PEX11G: variants seen among roughly 807,000 people sequenced by gnomAD.
PEX11G encodes the protein peroxisomal biogenesis factor 11 gamma, also known as peroxisomal membrane protein 11C.
A neutral mutation model predicts 22.5 loss-of-function variants in PEX11G; 20 were observed. That is an observed-to-expected ratio of 0.89 (90% CI 0.62 to 1.29). PEX11G has a LOEUF of 1.29. PEX11G is among the 50% of genes most tolerant of loss of function. The pLI, the probability that PEX11G is intolerant of heterozygous loss-of-function variation, is 0.00. For missense variants in PEX11G, 347 were observed against 331.3 expected, an observed-to-expected ratio of 1.05 and a Z score of -0.37; for synonymous variants, 141 against 154.5, an observed-to-expected ratio of 0.91 and a Z score of 0.65.
chr19:7,482,194 G>T lies in PEX11G; in HGVS notation c.267C>A (p.Val89=). The change falls in exon 3 of 5, where the codon GTC becomes GTA. Residue 89 remains valine, a synonymous_variant. Transcript: ENST00000221480. ...GLGAQEEDAF[V]RCVSVLGNLA... ...GGTTCCCTAGGACGGAGACACAGCG[G>T]ACAAAGGCGTCCTCCTCCTGCAGGA... 1 of 1,570,794 alleles carries T rather than the reference G, an allele frequency of 6.4e-7. No homozygotes were observed. The highest frequency in any genetic ancestry group is 8.6e-7 in the Non-Finnish European group (1 of 1,159,098).
At chr19:7,484,426 C>T (rs2021545341) in intron 2 of PEX11G, among the ~76,000 whole-genome samples, 1 of 151,942 alleles carries the variant, frequency 6.6e-6, no homozygotes, top group Non-Finnish European at 1.5e-5. Context: ...TTTATGTAAA[C>T]CATATGTATT....
In PEX11G at chr19:7,486,109, C is replaced by T. The variant is rs147709246; in HGVS notation, c.61-83G>A. On this transcript the variant is annotated intron_variant, in intron 1 of 4. Transcript: ENST00000221480. ...TCCCCCCATACCTGGCCCCGGGCCC[C>T]GCTGGATTGAGAGTGTGGAAGATTC... 1,357 of 1,233,374 alleles carry T rather than the reference C, an allele frequency of 1.1e-3. 12 individuals carry two copies. In the African/African-American group the frequency reaches 0.019, roughly 17 times the overall value. The allele number at this position is 1,233,374 out of a possible 1,614,324, so 76.4% of individuals were successfully genotyped here. A position where few individuals can be genotyped will look rare whatever the true frequency, so the allele number is the denominator to read the frequency against.
intron 1 of PEX11G, 65 bp downstream of exon 1, chr19:7,488,886 G>T: frequency 6.6e-7 from 1 of 1,513,348 alleles, no homozygotes; most frequent in Admixed American, 2.0e-5. Flanking sequence ...TCTCTGGCCC[G>T]TTTCCCAGTC....
chr19:7,489,641 G>A, upstream of PEX11G: 1 of 290,008 alleles, frequency 3.4e-6, no homozygotes, highest in Non-Finnish European at 5.1e-6. Flanking sequence ...CCCCGTAGGA[G>A]ACCAGCATAT....
chr19:7,478,189 A>T, intron 4 of PEX11G, 125 bp downstream of exon 4: 1 of 1,011,296 alleles, frequency 9.9e-7, no homozygotes, highest in South Asian at 1.5e-5. Context: ...AGAGGCTGTG[A>T]TGACTCCCCC....
At chr19:7,491,707 C>T (rs542537630), upstream of PEX11G, among the ~76,000 whole-genome samples, 11 of 152,244 alleles carry the variant, frequency 7.2e-5, no homozygotes, top group African/African-American at 2.2e-4. Flanking sequence ...GGCTGGAGTG[C>T]GGTGGTGTGA....
chr19:7,485,706 T>C (rs1425945374), intron 2 of PEX11G, 132 bp downstream of exon 2: 3 of 823,694 alleles, frequency 3.6e-6, no homozygotes, highest in South Asian at 2.1e-5. Context: ...CCTGACCTCA[T>C]GATCCGCCAG....
upstream of PEX11G, chr19:7,489,078 G>T (rs1028766958): frequency 3.5e-6 from 5 of 1,423,788 alleles, no homozygotes; most frequent in East Asian, 2.8e-5. Flanking sequence ...CCGGGGTACC[G>T]GGAGCGCCCC....
chr19:7,484,115 G>A (rs117829669), intron 2 of PEX11G, among the ~76,000 whole-genome samples: 2,686 of 152,260 alleles, frequency 0.018, 25 homozygotes, highest in Non-Finnish European at 0.028. Flanking sequence ...TAGCACTTTG[G>A]GAGGCGGGGC....
At chr19:7,479,235 G>A (rs192576440) in intron 3 of PEX11G, among the ~76,000 whole-genome samples, 1 of 152,288 alleles carries the variant, frequency 6.6e-6, no homozygotes, top group Admixed American at 6.5e-5. Context: ...TGTAATCCCG[G>A]GACTTTGGGA....
At chr19:7,486,108 C>T in intron 1 of PEX11G, 82 bp from the exon 2 acceptor site, 1 of 1,246,200 alleles carries the variant, frequency 8.0e-7, no homozygotes, top group Non-Finnish European at 1.1e-6. Flanking sequence ...GCCCCGGGCC[C>T]CGCTGGATTG....
intron 1 of PEX11G, among the ~76,000 whole-genome samples, chr19:7,487,065 G>GA (rs920165640): frequency 8.0e-5 from 12 of 150,176 alleles, no homozygotes; most frequent in Non-Finnish European, 1.3e-4. Context: ...AAAAGAAAAA[G>GA]AAAAAAAAAG....
chr19:7,486,376 T>A (rs2145975162), intron 1 of PEX11G, among the ~76,000 whole-genome samples: 1 of 152,332 alleles, frequency 6.6e-6, no homozygotes, highest in East Asian at 1.9e-4. Context: ...TCCACCTGCC[T>A]TAGCCTCCCA....
intron 3 of PEX11G, among the ~76,000 whole-genome samples, chr19:7,480,386 C>G (rs1977435469): frequency 6.6e-6 from 1 of 152,206 alleles, no homozygotes; most frequent in Non-Finnish European, 1.5e-5. Context: ...CTGACCGGAG[C>G]CCCAGGAACA....
At position 7,489,002 on chromosome 19, in the gene PEX11G, C is replaced by T. The variant is rs1250365903; in HGVS notation, c.9G>A (p.Ser3=). MA[S]LSGLASALES... ...CCAGCGCCGACGCCAGGCCGCTCAG[C>T]GACGCCATGGCAACTCCGTGACGTC... is the stretch of plus-strand genomic sequence containing the variant. The change falls in exon 1 of 5, where the codon TCG becomes TCA. Residue 3 remains serine (S), a synonymous_variant. Coordinates refer to ENST00000221480, the MANE Select transcript of PEX11G (RefSeq NM_080662.4). The T allele has an allele frequency of 2.6e-6, 4 of 1,541,276 alleles. No homozygotes were observed. Among genetic ancestry groups the T allele is most frequent in the Middle Eastern group, 1.7e-4 (1 of 5,834 alleles).
intron 3 of PEX11G, among the ~76,000 whole-genome samples, chr19:7,481,505 G>A (rs1977488635): frequency 6.6e-6 from 1 of 152,186 alleles, no homozygotes; most frequent in Non-Finnish European, 1.5e-5. Flanking sequence ...CCCAACCTAA[G>A]CTAAGGATCT....
chr19:7,493,839 CAAA>C (rs34297714), upstream of PEX11G, among the ~76,000 whole-genome samples: 6 of 128,440 alleles, frequency 4.7e-5, no homozygotes, highest in Admixed American at 2.4e-4. Context: ...AACCCCGTCT[CAAA>C]AAAAAAAAAA....
upstream of PEX11G, among the ~76,000 whole-genome samples, chr19:7,493,610 A>G (rs1029515308): frequency 6.6e-5 from 10 of 151,466 alleles, no homozygotes; most frequent in Admixed American, 6.6e-4. Flanking sequence ...GGTTCAAGTG[A>G]TCCTCCATCC....
intron 1 of PEX11G, among the ~76,000 whole-genome samples, chr19:7,487,373 A>G (rs2021709667): frequency 1.3e-5 from 2 of 152,234 alleles, no homozygotes; most frequent in Non-Finnish European, 2.9e-5. Context: ...TTAGAGAGAA[A>G]GAACCTACTC....
Sources: allele counts gnomAD v4.1 joint callset (sites outside exome capture counted in the v4.1 genomes callset), GRCh38; gene constraint gnomAD v4.1.1; transcripts MANE v1.5; gene names NCBI Gene and HGNC (gene_info 2026-07-23, HGNC 2026-07-21).